The following EPM2A variants were observed in gnomAD, a reference collection of about 807,000 sequenced individuals.
EPM2A encodes EPM2A glucan phosphatase, laforin.
EPM2A carries 21 observed loss-of-function variants against 26.5 expected under a neutral mutation model. The ratio of observed to expected loss-of-function variants is 0.79; its 90% confidence interval spans 0.56 to 1.14. The LOEUF (loss-of-function observed/expected upper bound fraction) is 1.14, where lower values mean the gene tolerates loss of function less well. EPM2A is among the 50% of genes most tolerant of loss of function. The pLI, the probability that EPM2A is intolerant of heterozygous loss-of-function variation, is 0.00. For synonymous variants in EPM2A, 217 were observed against 177.6 expected (o/e 1.22, Z -1.76); for missense variants, 458 against 440.8 (o/e 1.04, Z -0.35).
chr6:145,542,481 G>A (rs1665090195), intron 2 of EPM2A, among the ~76,000 whole-genome samples: 2 of 152,178 alleles, frequency 1.3e-5, no homozygotes, highest in South Asian at 4.1e-4. Context: ...ACATATGCAG[G>A]TGAAAATAGT....
rs538786358 is a variant in EPM2A at position 145,519,845 on chromosome 6, G to A, written c.341-17270C>T. On this transcript the variant is annotated intron_variant, in intron 2 of 3. Transcript: ENST00000450221. ...TCCTCATAGAATCCTATCATTAGCCGCATTCTGAAGATGAAGAAATGTAGG... is the reference window on the plus strand; with the variant it reads ...TCCTCATAGAATCCTATCATTAGCCACATTCTGAAGATGAAGAAATGTAGG... 3.9e-5 allele frequency among the ~76,000 whole-genome samples: 6 copies of A among 152,238 alleles called. No individual in the cohort carries two copies. The South Asian group carries it at 8.3e-4, about 21-fold the overall frequency.
intron 1 of EPM2A, among the ~76,000 whole-genome samples, chr6:145,693,152 G>C (rs184471896): frequency 1.3e-5 from 2 of 151,776 alleles, no homozygotes; most frequent in Non-Finnish European, 2.9e-5. Context: ...TGTATTCCTA[G>C]GTATTTTATT....
At chr6:145,570,251 C>T (rs1780937265) in intron 2 of EPM2A, among the ~76,000 whole-genome samples, 1 of 152,166 alleles carries the variant, frequency 6.6e-6, no homozygotes, top group Non-Finnish European at 1.5e-5. Context: ...TATTAACCAT[C>T]ACAAGTCCAA....
intron 2 of EPM2A, chr6:145,640,576 G>C (rs201191483): frequency 6.6e-6 from 1 of 151,744 alleles, no homozygotes; most frequent in East Asian, 1.9e-4. Context: ...AATTTAAAAG[G>C]AAAGAAAAAA....
At chr6:145,494,282 T>C (rs1185203267) in intron 4 of EPM2A, among the ~76,000 whole-genome samples, 1 of 152,206 alleles carries the variant, frequency 6.6e-6, no homozygotes. Flanking sequence ...GAGGTGTTTA[T>C]AGTAGTCTCT....
downstream of EPM2A, among the ~76,000 whole-genome samples, chr6:145,497,106 A>C (rs932229583): frequency 5.3e-5 from 8 of 152,140 alleles, no homozygotes; most frequent in Admixed American, 4.6e-4. Flanking sequence ...CTTGCTGAAG[A>C]GGTAATGTGG....
At chr6:145,423,061 A>G (rs1025324882) in intron 4 of EPM2A, among the ~76,000 whole-genome samples, 1 of 152,126 alleles carries the variant, frequency 6.6e-6, no homozygotes, top group Non-Finnish European at 1.5e-5. Flanking sequence ...AAATATATAC[A>G]AAATATATGG....
intron 2 of EPM2A, among the ~76,000 whole-genome samples, chr6:145,662,399 T>C (rs1330588238): frequency 6.6e-6 from 1 of 152,122 alleles, no homozygotes; most frequent in African/African-American, 2.4e-5. Flanking sequence ...TTTAGGTTTC[T>C]CATTCTGCCT....
intron 2 of EPM2A, among the ~76,000 whole-genome samples, chr6:145,683,589 CACAT>C (rs1780710976): frequency 6.6e-6 from 1 of 152,068 alleles, no homozygotes; most frequent in Non-Finnish European, 1.5e-5. Flanking sequence ...CTCTCACCTG[CACAT>C]ACAGCTTTGA....
intron 2 of EPM2A, among the ~76,000 whole-genome samples, chr6:145,648,077 TG>T (rs1777617720): frequency 6.6e-6 from 1 of 152,202 alleles, no homozygotes; most frequent in Admixed American, 6.5e-5. Context: ...TTCTATTCTA[TG>T]TGTTCTCATA....
chr6:145,627,701 G>A lies in EPM2A; in HGVS notation c.719-8C>T. The A allele has an allele frequency of 6.2e-7, 1 of 1,613,646 alleles. No homozygotes were observed. Among genetic ancestry groups the A allele is most frequent in the Non-Finnish European group, 8.5e-7 (1 of 1,179,986 alleles). ...GCAGCATCTGTACTCGGCCTGCGGTGGGGAAAGCACAGCACACATGTGAAT... is the reference window on the plus strand; with the variant it reads ...GCAGCATCTGTACTCGGCCTGCGGTAGGGAAAGCACAGCACACATGTGAAT... On this transcript the variant is annotated splice_region_variant and splice_polypyrimidine_tract_variant and intron_variant, in intron 3 of 3. Transcript: ENST00000367519.
rs574156619 is a variant in EPM2A at position 145,389,286 on chromosome 6, T to G, written c.556-5189A>C. The stretch of plus-strand genomic sequence containing the variant: ...CTCACTGCAATCTCCGTCTCCTGGG[T>G]TCAAGCAATTCTCCTGCCTCAGCCA... On this transcript the variant is annotated intron_variant, in intron 4 of 4. Transcript: ENST00000638717. Among the ~76,000 whole-genome samples, 18 of 151,854 alleles carry G rather than the reference T, an allele frequency of 1.2e-4. 1 individual carries two copies. In the South Asian group the frequency reaches 3.5e-3, roughly 30 times the overall value.
intron 4 of EPM2A, among the ~76,000 whole-genome samples, chr6:145,472,597 G>A (rs961652160): frequency 2.0e-5 from 3 of 152,028 alleles, no homozygotes; most frequent in Non-Finnish European, 4.4e-5. Context: ...GAGACCATGG[G>A]CCTCAAGGGA....
At chr6:145,501,745 C>A (rs1198960199) in exon 4 of EPM2A, 1 of 469,678 alleles carries the variant, frequency 2.1e-6, no homozygotes, top group Admixed American at 2.4e-5. Flanking sequence ...TGAGCTTGCA[C>A]CAGTCGTCAC....
At chr6:145,545,914 T>C (rs1055271406) in intron 2 of EPM2A, among the ~76,000 whole-genome samples, 1 of 152,190 alleles carries the variant, frequency 6.6e-6, no homozygotes, top group African/African-American at 2.4e-5. Context: ...TTTCTCAATT[T>C]TCCTTGACCA....
chr6:145,683,323 G>A (rs1780685496), intron 2 of EPM2A, among the ~76,000 whole-genome samples: 1 of 132,338 alleles, frequency 7.6e-6, no homozygotes, highest in African/African-American at 2.7e-5. Context: ...GTATATATTA[G>A]ATTATATATT....
intron 4 of EPM2A, among the ~76,000 whole-genome samples, chr6:145,433,333 C>T (rs559849232): frequency 4.3e-4 from 66 of 152,148 alleles, no homozygotes; most frequent in African/African-American, 1.4e-3. Flanking sequence ...AAGCTTTCAC[C>T]GGGCTTAGTC....
chr6:145,636,569 A>G (rs373580073), intron 2 of EPM2A: 5 of 152,288 alleles, frequency 3.3e-5, no homozygotes, highest in African/African-American at 9.6e-5. Context: ...TCATTAGGGA[A>G]CTGGGCAATT....
chr6:145,620,869 T>TATAC (rs1295296849), downstream of EPM2A, among the ~76,000 whole-genome samples: 5 of 152,230 alleles, frequency 3.3e-5, no homozygotes, highest in Non-Finnish European at 7.3e-5. Flanking sequence ...GGTGTACAAT[T>TATAC]ATACATACAT....
Sources: gnomAD v4.1 joint callset for allele counts (sites outside exome capture counted in the v4.1 genomes callset) on GRCh38, gnomAD v4.1.1 for gene constraint, MANE v1.5 for transcripts, NCBI Gene and HGNC (gene_info 2026-07-23, HGNC 2026-07-21) for gene names.